SGCD: variants seen among roughly 807,000 people sequenced by gnomAD.
SGCD encodes the protein sarcoglycan delta.
SGCD carries 18 observed loss-of-function variants against 36.6 expected under a neutral mutation model. That is an observed-to-expected ratio of 0.49 (90% CI 0.34 to 0.73). The LOEUF (loss-of-function observed/expected upper bound fraction) is 0.73. Among genes scored for constraint, SGCD ranks in the 30% least tolerant of loss-of-function variants. The pLI, the probability that SGCD is intolerant of heterozygous loss-of-function variation, is 0.01. For synonymous variants in SGCD, 133 were observed against 130.6 expected, an observed-to-expected ratio of 1.02 and a Z score of -0.12; for missense variants, 387 against 346.7, an observed-to-expected ratio of 1.12 and a Z score of -0.92.
At chr5:156,675,296 A>C (rs570119298) in intron 7 of SGCD, among the ~76,000 whole-genome samples, 32 of 152,344 alleles carry the variant, frequency 2.1e-4, no homozygotes, top group African/African-American at 7.7e-4. Context: ...GAGCTTAATA[A>C]ATGTTAATTT....
At chr5:156,476,226 G>T (rs1275108037) in intron 3 of SGCD, among the ~76,000 whole-genome samples, 1 of 152,216 alleles carries the variant, frequency 6.6e-6, no homozygotes, top group African/African-American at 2.4e-5. Context: ...GCAACCTCCA[G>T]TGCAGTTCTG....
At chr5:155,935,593 A>G (rs970020927) in intron 1 of SGCD, among the ~76,000 whole-genome samples, 1 of 152,256 alleles carries the variant, frequency 6.6e-6, no homozygotes, top group Non-Finnish European at 1.5e-5. Flanking sequence ...CAGCCAGTTA[A>G]TTAAGGAGTA....
At chr5:155,786,256 T>C in the SGCD span, among the ~76,000 whole-genome samples, 1 of 152,334 alleles carries the variant, frequency 6.6e-6, no homozygotes, top group East Asian at 1.9e-4. Context: ...CAAGTGATGT[T>C]GTGTTAGCCA....
At chr5:156,203,752 T>C (rs1445515646) in intron 3 of SGCD, among the ~76,000 whole-genome samples, 1 of 152,118 alleles carries the variant, frequency 6.6e-6, no homozygotes, top group Non-Finnish European at 1.5e-5. Flanking sequence ...AAATAACTTG[T>C]CCAATATTAC....
intron 1 of SGCD, among the ~76,000 whole-genome samples, chr5:156,111,637 G>A (rs933392667): frequency 4.0e-5 from 6 of 151,144 alleles, no homozygotes; most frequent in South Asian, 2.1e-4. Flanking sequence ...GAGAGGCCCT[G>A]ATGTGTAGCT....
the SGCD span, among the ~76,000 whole-genome samples, chr5:155,749,330 G>A: frequency 2.6e-5 from 4 of 152,108 alleles, no homozygotes; most frequent in African/African-American, 9.7e-5. Flanking sequence ...TTACTCCTTT[G>A]CAATGGAAGA....
At chr5:155,841,273 G>C in the SGCD span, among the ~76,000 whole-genome samples, 1 of 152,094 alleles carries the variant, frequency 6.6e-6, no homozygotes, top group African/African-American at 2.4e-5. Flanking sequence ...CCATTTTTAT[G>C]GTTGGATTCA....
intron 2 of SGCD, among the ~76,000 whole-genome samples, chr5:156,338,513 A>G (rs755510460): frequency 7.2e-5 from 11 of 152,226 alleles, no homozygotes; most frequent in Non-Finnish European, 1.5e-4. Context: ...GAAAGTCAGC[A>G]TGGTATAAAA....
chr5:156,427,140 G>A (rs928157567), intron 3 of SGCD, among the ~76,000 whole-genome samples: 15 of 152,174 alleles, frequency 9.9e-5, no homozygotes, highest in Admixed American at 4.6e-4. Flanking sequence ...GGGCAGTAAG[G>A]TCATTTTCTC....
At chr5:156,318,745 GC>G (rs1463411054) in intron 3 of SGCD, among the ~76,000 whole-genome samples, 1 of 152,030 alleles carries the variant, frequency 6.6e-6, no homozygotes, top group Non-Finnish European at 1.5e-5. Flanking sequence ...ACAGTTGTGT[GC>G]CCCCTCGCCT....
intron 4 of SGCD, among the ~76,000 whole-genome samples, chr5:156,551,047 T>C (rs538729899): frequency 8.6e-4 from 131 of 152,246 alleles, no homozygotes; most frequent in Non-Finnish European, 1.8e-4. Flanking sequence ...AACAGGATCC[T>C]CCCCTGTATC....
chr5:156,277,066 A>C (rs1029990465), intron 3 of SGCD, among the ~76,000 whole-genome samples: 1 of 152,170 alleles, frequency 6.6e-6, no homozygotes, highest in African/African-American at 2.4e-5. Flanking sequence ...TTGGACTATG[A>C]AATGTAAGGC....
intron 6 of SGCD, among the ~76,000 whole-genome samples, chr5:156,621,530 T>A (rs1391614169): frequency 1.3e-5 from 2 of 150,042 alleles, no homozygotes; most frequent in Non-Finnish European, 3.0e-5. Flanking sequence ...AAAAAAAAAA[T>A]GTGCGTTATG....
intron 4 of SGCD, among the ~76,000 whole-genome samples, chr5:156,579,043 G>T (rs1051793441): frequency 6.6e-6 from 1 of 152,064 alleles, no homozygotes; most frequent in Admixed American, 6.5e-5. Context: ...TTTCTTGTGG[G>T]CATTTAGTGC....
At chr5:156,412,854 G>A (rs1408515124) in intron 3 of SGCD, among the ~76,000 whole-genome samples, 2 of 149,554 alleles carry the variant, frequency 1.3e-5, no homozygotes, top group Non-Finnish European at 3.0e-5. Flanking sequence ...GGACTGCAGT[G>A]GCGCAATCTC....
intron 1 of SGCD, among the ~76,000 whole-genome samples, chr5:156,025,148 G>T (rs184920855): frequency 1.3e-5 from 2 of 152,062 alleles, no homozygotes; most frequent in African/African-American, 4.8e-5. Flanking sequence ...ACTGGTTTCC[G>T]TGTGGTGATT....
intron 4 of SGCD, among the ~76,000 whole-genome samples, chr5:156,551,005 A>G (rs1758771348): frequency 6.6e-6 from 1 of 152,138 alleles, no homozygotes; most frequent in Non-Finnish European, 1.5e-5. Context: ...TCAGTCTTCC[A>G]ATATTCCTAC....
intron 3 of SGCD, among the ~76,000 whole-genome samples, chr5:156,398,896 A>G (rs1772000390): frequency 6.6e-6 from 1 of 152,146 alleles, no homozygotes; most frequent in Non-Finnish European, 1.5e-5. Context: ...TGTTTAATTA[A>G]TATTAAACTC....
intron 3 of SGCD, among the ~76,000 whole-genome samples, chr5:156,305,339 A>G (rs913586259): frequency 2.0e-5 from 3 of 152,160 alleles, no homozygotes; most frequent in Non-Finnish European, 2.9e-5. Context: ...GCCATGGCTG[A>G]AAGGGGCCAA....
Sources: gnomAD v4.1 joint callset for allele counts (sites outside exome capture counted in the v4.1 genomes callset) on GRCh38, gnomAD v4.1.1 for gene constraint, MANE v1.5 for transcripts, NCBI Gene and HGNC (gene_info 2026-07-23, HGNC 2026-07-21) for gene names.